PHF24: variants seen among roughly 807,000 people sequenced by gnomAD.
PHF24 encodes Galpha inhibitory interacting protein.
A neutral mutation model predicts 42.6 loss-of-function variants in PHF24; 25 were observed. The observed-to-expected ratio is 0.59, with a 90% confidence interval of 0.43 to 0.82. The LOEUF (loss-of-function observed/expected upper bound fraction) is 0.82. Ranked by LOEUF, PHF24 falls within the 40% of genes least tolerant of loss-of-function variation. The probability of loss-of-function intolerance (pLI) is 0.00; values close to 1 mark genes in which losing one functional copy is unlikely to be tolerated. For missense variants in PHF24, 470 were observed against 538.1 expected, an observed-to-expected ratio of 0.87 and a Z score of 1.25; for synonymous variants, 185 against 204.8, an observed-to-expected ratio of 0.90 and a Z score of 0.83.
At chr9:34,926,021 T>C in the PHF24 span, among the ~76,000 whole-genome samples, 2 of 152,232 alleles carry the variant, frequency 1.3e-5, no homozygotes, top group African/African-American at 4.8e-5. This position sits in a 1 kb window ranked among gnomAD's most constrained non-coding sequence, Gnocchi z 4.3. Flanking sequence ...GATACAGTAG[T>C]GTAATGTAAC....
the PHF24 span, among the ~76,000 whole-genome samples, chr9:34,747,277 A>G: frequency 2.0e-5 from 3 of 152,096 alleles, no homozygotes; most frequent in Non-Finnish European, 4.4e-5. Context: ...TTAGCAGGGC[A>G]GAGTGGCCTG....
chr9:34,974,165 G>A (rs1241746974), intron 3 of PHF24, among the ~76,000 whole-genome samples: 1 of 152,056 alleles, frequency 6.6e-6, no homozygotes, highest in Non-Finnish European at 1.5e-5. Flanking sequence ...CATTGCACCT[G>A]GCCCCACAGC....
At chr9:34,794,756 A>G in the PHF24 span, among the ~76,000 whole-genome samples, 2 of 152,336 alleles carry the variant, frequency 1.3e-5, no homozygotes, top group Non-Finnish European at 2.9e-5. Context: ...ATATATATCA[A>G]CATAAATTAT....
At chr9:34,753,270 A>G in the PHF24 span, among the ~76,000 whole-genome samples, 3 of 152,138 alleles carry the variant, frequency 2.0e-5, no homozygotes, top group Admixed American at 6.5e-5. Flanking sequence ...ACTTCACCAA[A>G]AAACTATTAG....
chr9:34,731,783 C>T, the PHF24 span, among the ~76,000 whole-genome samples: 2 of 151,970 alleles, frequency 1.3e-5, no homozygotes, highest in South Asian at 4.1e-4. Flanking sequence ...TACTGATTTC[C>T]TTTCTTTTGG....
chr9:34,739,867 G>A, the PHF24 span, among the ~76,000 whole-genome samples: 3 of 152,262 alleles, frequency 2.0e-5, no homozygotes, highest in South Asian at 2.1e-4. Flanking sequence ...CAAGTGGTCT[G>A]TTTTGACAGG....
the PHF24 span, chr9:34,835,148 C>T: frequency 6.5e-7 from 1 of 1,548,020 alleles, no homozygotes; most frequent in Non-Finnish European, 8.7e-7. Context: ...ACAGTGGTGT[C>T]TTTGTTCTGG....
chr9:34,847,421 G>C, the PHF24 span, among the ~76,000 whole-genome samples: 44 of 152,236 alleles, frequency 2.9e-4, no homozygotes, highest in African/African-American at 1.0e-3. Flanking sequence ...TGGTGTATAA[G>C]AATGCTTGTG....
the PHF24 span, among the ~76,000 whole-genome samples, chr9:34,704,478 A>T: frequency 6.6e-6 from 1 of 150,602 alleles, no homozygotes. Context: ...TGATTTCATT[A>T]GTGTGTGTGT....
the PHF24 span, among the ~76,000 whole-genome samples, chr9:34,856,901 G>T: frequency 6.6e-6 from 1 of 152,228 alleles, no homozygotes. Flanking sequence ...TGCCCCTCCC[G>T]ATGGGGACTC....
chr9:34,740,888 CTCT>C, the PHF24 span, among the ~76,000 whole-genome samples: 1 of 151,620 alleles, frequency 6.6e-6, no homozygotes, highest in Non-Finnish European at 1.5e-5. Flanking sequence ...TTCTCTCTCT[CTCT>C]TTTTTTTTTT....
the PHF24 span, chr9:34,833,954 G>T: frequency 4.7e-5 from 72 of 1,543,080 alleles, 1 homozygote; most frequent in East Asian, 1.7e-3. Flanking sequence ...CGACAGGAAG[G>T]CCAGATGCTT....
the PHF24 span, chr9:34,837,197 T>C: frequency 2.2e-6 from 1 of 459,014 alleles, no homozygotes; most frequent in Non-Finnish European, 4.5e-6. Flanking sequence ...TGGAGGAGGT[T>C]GGAGGCCTTT....
the PHF24 span, among the ~76,000 whole-genome samples, chr9:34,812,257 T>A: frequency 6.6e-6 from 1 of 152,126 alleles, no homozygotes; most frequent in African/African-American, 2.4e-5. Context: ...TATTACCTCA[T>A]ACCCAGTAGG....
At chr9:34,722,497 A>C in the PHF24 span, among the ~76,000 whole-genome samples, 1 of 152,196 alleles carries the variant, frequency 6.6e-6, no homozygotes, top group African/African-American at 2.4e-5. Flanking sequence ...TTGACTGGAC[A>C]ATTTGGGAGT....
At chr9:34,721,889 C>T in the PHF24 span, among the ~76,000 whole-genome samples, 51 of 152,148 alleles carry the variant, frequency 3.4e-4, no homozygotes, top group African/African-American at 1.1e-3. Context: ...TTTTGTTTGG[C>T]TTCTAGTATT....
chr9:34,826,656 G>C, the PHF24 span, among the ~76,000 whole-genome samples: 1 of 152,296 alleles, frequency 6.6e-6, no homozygotes, highest in Admixed American at 6.5e-5. Flanking sequence ...CTGGTGGTCG[G>C]TTTCCTGAAA....
At chr9:34,903,411 A>T in the PHF24 span, among the ~76,000 whole-genome samples, 1 of 152,078 alleles carries the variant, frequency 6.6e-6, no homozygotes, top group African/African-American at 2.4e-5. Flanking sequence ...TACAAAAAAT[A>T]AAAAATTAGC....
the PHF24 span, among the ~76,000 whole-genome samples, chr9:34,668,009 G>A: frequency 1.3e-5 from 2 of 152,196 alleles, no homozygotes; most frequent in Non-Finnish European, 2.9e-5. Context: ...CGACTCATAG[G>A]ACAAAGTGCC....
Sources: allele counts gnomAD v4.1 joint callset (sites outside exome capture counted in the v4.1 genomes callset), GRCh38; gene constraint gnomAD v4.1.1; non-coding constraint Gnocchi (gnomAD v3.1); transcripts MANE v1.5; gene names NCBI Gene and HGNC (gene_info 2026-07-23, HGNC 2026-07-21).